The following NPAS3 variants were observed in gnomAD, a reference collection of about 807,000 sequenced individuals.
NPAS3 encodes neuronal PAS domain-containing protein 3.
In NPAS3, 14 loss-of-function variants were observed where a neutral mutation model predicts 73.1. That is an observed-to-expected ratio of 0.19 (90% CI 0.13 to 0.30). The LOEUF (loss-of-function observed/expected upper bound fraction) is 0.30. NPAS3 is among the 10% of genes least tolerant of loss of function. The pLI, the probability that NPAS3 is intolerant of heterozygous loss-of-function variation, is 1.00. For missense variants in NPAS3, 1,096 were observed against 1,250.0 expected (o/e 0.88, Z 1.86); for synonymous variants, 620 against 541.5 (o/e 1.14, Z -2.01).
chr14:33,500,454 G>A (rs909886885), intron 4 of NPAS3, among the ~76,000 whole-genome samples: 4 of 151,868 alleles, frequency 2.6e-5, no homozygotes, highest in African/African-American at 4.8e-5. Flanking sequence ...CTAGAAGGCT[G>A]CTACAGATGA....
chr14:33,460,887 C>T lies in NPAS3; in HGVS notation c.468+93619C>T, dbSNP rs186580690. 2.6e-5 allele frequency among the ~76,000 whole-genome samples: 4 copies of T among 152,218 alleles called. No homozygotes were observed. In the East Asian group the frequency reaches 7.7e-4, roughly 29 times the overall value. On this transcript the variant is annotated intron_variant, in intron 4 of 11. Transcript: ENST00000356141. ...TCAAAATCAGTCTGGTGTTGTGATG[C>T]CATGGGAGAGGAGGAGGGTAACATT...
At chr14:33,259,407 C>T (rs776851114) in intron 3 of NPAS3, among the ~76,000 whole-genome samples, 8 of 152,042 alleles carry the variant, frequency 5.3e-5, no homozygotes, top group South Asian at 2.1e-4. Flanking sequence ...CTTGGCTTAC[C>T]GATGGAATAG....
At chr14:33,554,264 C>T (rs545020312) in intron 4 of NPAS3, among the ~76,000 whole-genome samples, 7 of 152,112 alleles carry the variant, frequency 4.6e-5, no homozygotes, top group Non-Finnish European at 1.0e-4. Context: ...GCATAGTGCC[C>T]GAATTCAGGC....
intron 5 of NPAS3, among the ~76,000 whole-genome samples, chr14:33,667,758 G>C (rs1360857684): frequency 6.6e-6 from 1 of 152,038 alleles, no homozygotes; most frequent in Non-Finnish European, 1.5e-5. Context: ...CATGGTATTC[G>C]GGAGGGTCAG....
intron 3 of NPAS3, among the ~76,000 whole-genome samples, chr14:33,308,531 T>TAC (rs550021518): frequency 0.012 from 1,358 of 116,016 alleles, 57 homozygotes; most frequent in Non-Finnish European, 0.016. Context: ...TATATATACA[T>TAC]ACACACACAC....
upstream of NPAS3, chr14:32,935,039 G>C: frequency 2.5e-6 from 3 of 1,222,276 alleles, no homozygotes; most frequent in Admixed American, 3.7e-5. Flanking sequence ...TAGTGCCCCC[G>C]CCCCGGGGTG....
chr14:33,091,510 C>T (rs569073613), intron 2 of NPAS3, among the ~76,000 whole-genome samples: 231 of 152,200 alleles, frequency 1.5e-3, no homozygotes, highest in African/African-American at 5.5e-3. Context: ...AGCCTACCAA[C>T]CAAAAAATGT....
At chr14:33,582,409 G>T (rs1009855097) in intron 5 of NPAS3, among the ~76,000 whole-genome samples, 1 of 152,042 alleles carries the variant, frequency 6.6e-6, no homozygotes, top group Admixed American at 6.5e-5. Flanking sequence ...AAGCAATGTG[G>T]TTTTTATGTT....
At chr14:33,232,835 C>T (rs2047900343) in intron 3 of NPAS3, among the ~76,000 whole-genome samples, 1 of 151,546 alleles carries the variant, frequency 6.6e-6, no homozygotes, top group Non-Finnish European at 1.5e-5. Flanking sequence ...AGAAAAGCAG[C>T]CAGTGCAAAG....
At chr14:33,093,974 T>TG (rs887195909) in intron 2 of NPAS3, among the ~76,000 whole-genome samples, 1 of 147,770 alleles carries the variant, frequency 6.8e-6, no homozygotes, top group African/African-American at 2.5e-5. Flanking sequence ...TGTTGTGGGG[T>TG]GGGGGAAGGG....
intron 2 of NPAS3, among the ~76,000 whole-genome samples, chr14:33,178,220 G>A (rs1360895643): frequency 6.6e-6 from 1 of 151,792 alleles, no homozygotes; most frequent in African/African-American, 2.4e-5. Context: ...GACTACAGGT[G>A]CACACCACCA....
chr14:33,504,131 TCAAGTC>T (rs903770875), intron 4 of NPAS3, among the ~76,000 whole-genome samples: 51 of 152,050 alleles, frequency 3.4e-4, no homozygotes, highest in African/African-American at 1.2e-3. Context: ...ACCTAATACT[TCAAGTC>T]TAATCTTTTT....
At chr14:33,599,839 A>C (rs1958552) in intron 5 of NPAS3, among the ~76,000 whole-genome samples, 36,124 of 151,982 alleles carry the variant, frequency 0.24, 4,956 homozygotes, top group East Asian at 0.62. Context: ...GGAACTCATA[A>C]AGGACAGGAG....
At chr14:33,680,638 C>T in intron 6 of NPAS3, 3 of 702,694 alleles carry the variant, frequency 4.3e-6, no homozygotes, top group South Asian at 3.0e-5. Flanking sequence ...TCAGTTTCTT[C>T]TGTAGGACCC....
intron 1 of NPAS3, among the ~76,000 whole-genome samples, chr14:32,972,063 C>T (rs1308750313): frequency 4.0e-5 from 6 of 151,718 alleles, no homozygotes; most frequent in Admixed American, 3.3e-4. Flanking sequence ...CTCAGCCTCC[C>T]GAGTAGCTGG....
intron 6 of NPAS3, among the ~76,000 whole-genome samples, chr14:33,685,863 A>C (rs2060074260): frequency 6.6e-6 from 1 of 152,228 alleles, no homozygotes; most frequent in African/African-American, 2.4e-5. Flanking sequence ...TTGCCCCCAC[A>C]CCAGAGCAGA....
chr14:33,303,243 AG>A (rs2042624977), intron 3 of NPAS3, among the ~76,000 whole-genome samples: 1 of 152,142 alleles, frequency 6.6e-6, no homozygotes, highest in African/African-American at 2.4e-5. Flanking sequence ...ATTCGAACAG[AG>A]TGGGTACTAA....
intron 4 of NPAS3, among the ~76,000 whole-genome samples, chr14:33,479,821 G>A (rs2051224453): frequency 6.6e-6 from 1 of 152,118 alleles, no homozygotes; most frequent in Non-Finnish European, 1.5e-5. Context: ...CCTTTTGACA[G>A]GATGCAATTT....
In NPAS3 at chr14:33,180,799, C is replaced by CAAAAAAAA. The variant is rs1555350930; in HGVS notation, c.141-34381_141-34380insAAAAAAAA. 2.6e-4 allele frequency among the ~76,000 whole-genome samples: 18 copies of CAAAAAAAA among 69,362 alleles called. 4 individuals are homozygous for CAAAAAAAA. The highest frequency in any genetic ancestry group is 3.5e-4 in the African/African-American group (6 of 17,216). The allele number at this position is 69,362 out of a possible 152,430, so 45.5% of individuals were successfully genotyped here. ...GGGCGACAGAGCGAGACACTGTCTC[C>CAAAAAAAA]AAGAAAAAAAAAAAAAAAAAAAAAA... is the stretch of plus-strand genomic sequence containing the variant. On this transcript the variant is annotated intron_variant, in intron 2 of 11. Transcript: ENST00000356141.
Sources: allele counts gnomAD v4.1 joint callset (sites outside exome capture counted in the v4.1 genomes callset), GRCh38; gene constraint gnomAD v4.1.1; transcripts MANE v1.5; gene names NCBI Gene and HGNC (gene_info 2026-07-23, HGNC 2026-07-21).